Variants in NBEA observed in about 807,000 individuals in gnomAD.
NBEA encodes the protein neurobeachin.
In NBEA, 44 loss-of-function variants were observed where a neutral mutation model predicts 343.4. That is an observed-to-expected ratio of 0.13 (90% CI 0.10 to 0.16). The LOEUF is 0.16. NBEA is among the 10% of genes least tolerant of loss of function. The probability of loss-of-function intolerance (pLI) is 1.00; values close to 1 mark genes in which losing one functional copy is unlikely to be tolerated. For synonymous variants in NBEA, 1,175 were observed against 1,238.7 expected (o/e 0.95, Z 1.08); for missense variants, 2,555 against 3,631.3 (o/e 0.70, Z 7.62).
chr13:35,088,274 G>A (rs566208933), intron 10 of NBEA, among the ~76,000 whole-genome samples: 5 of 151,994 alleles, frequency 3.3e-5, no homozygotes, highest in African/African-American at 1.2e-4. Flanking sequence ...TACTTCAAAA[G>A]AAAGGTAACA....
chr13:35,451,568 A>G (rs747808823), intron 39 of NBEA, among the ~76,000 whole-genome samples: 1 of 152,204 alleles, frequency 6.6e-6, no homozygotes, highest in Admixed American at 6.5e-5. Context: ...TAACTTTCCA[A>G]TGATCATTTT....
chr13:34,949,541 G>A (rs951378421), intron 1 of NBEA, among the ~76,000 whole-genome samples: 4 of 152,156 alleles, frequency 2.6e-5, no homozygotes, highest in Non-Finnish European at 5.9e-5. Flanking sequence ...AGATATAGTG[G>A]TAGTGAATGT....
chr13:35,619,014 A>G (rs1288716766), intron 48 of NBEA, among the ~76,000 whole-genome samples: 1 of 151,868 alleles, frequency 6.6e-6, no homozygotes, highest in Non-Finnish European at 1.5e-5. Context: ...TAACCTTTAC[A>G]GAATGTCCGT....
chr13:34,992,192 A>G (rs566007267), intron 1 of NBEA, among the ~76,000 whole-genome samples: 11 of 140,342 alleles, frequency 7.8e-5, no homozygotes, highest in African/African-American at 1.6e-4. Context: ...ATGTGTGTGT[A>G]TATATATGTG....
intron 39 of NBEA, among the ~76,000 whole-genome samples, chr13:35,441,928 CT>C (rs1228186326): frequency 1.3e-5 from 2 of 151,280 alleles, no homozygotes; most frequent in African/African-American, 4.9e-5. Context: ...TCCAGTTAAT[CT>C]TTTTTTTCAT....
chr13:35,085,826 A>G (rs529851917), intron 10 of NBEA, among the ~76,000 whole-genome samples: 2 of 152,290 alleles, frequency 1.3e-5, no homozygotes, highest in African/African-American at 4.8e-5. Context: ...TTGTATATCT[A>G]GAAAACCCCA....
chr13:35,117,623 T>C (rs1015787151), intron 14 of NBEA, 130 bp downstream of exon 14: 10 of 352,332 alleles, frequency 2.8e-5, no homozygotes, highest in Admixed American at 4.9e-5. Flanking sequence ...TCTCCACATC[T>C]TAGTATTCAC....
intron 41 of NBEA, among the ~76,000 whole-genome samples, chr13:35,519,918 C>T (rs2077630009): frequency 2.0e-5 from 3 of 152,130 alleles, no homozygotes; most frequent in Admixed American, 1.3e-4. Context: ...CTCTCTTTAT[C>T]CCCACACCTC....
At chr13:35,040,906 C>G (rs527503829) in intron 1 of NBEA, 27 bp from the exon 2 acceptor site, 4 of 1,575,364 alleles carry the variant, frequency 2.5e-6, no homozygotes, top group Non-Finnish European at 3.5e-6. Context: ...CATGTTAACA[C>G]TATTGTTTCT....
At chr13:35,178,777 TA>T (rs2152727912) in intron 28 of NBEA, among the ~76,000 whole-genome samples, 1 of 151,656 alleles carries the variant, frequency 6.6e-6, no homozygotes, top group East Asian at 1.9e-4. Context: ...AACCACAATG[TA>T]AGAACTCACT....
chr13:34,952,160 A>C (rs2059369501), intron 1 of NBEA, among the ~76,000 whole-genome samples: 1 of 152,202 alleles, frequency 6.6e-6, no homozygotes, highest in South Asian at 2.1e-4. Context: ...CTTTCCCATT[A>C]CTAAGCAAAT....
intron 31 of NBEA, among the ~76,000 whole-genome samples, chr13:35,196,925 C>T (rs1020868129): frequency 1.3e-4 from 20 of 151,922 alleles, no homozygotes; most frequent in African/African-American, 4.6e-4. Flanking sequence ...TAACATGGCC[C>T]ATATGTCATA....
At chr13:35,383,195 C>T (rs746582513) in intron 38 of NBEA, among the ~76,000 whole-genome samples, 28 of 152,008 alleles carry the variant, frequency 1.8e-4, no homozygotes, top group Non-Finnish European at 2.9e-4. Context: ...AGAAAGACTC[C>T]GAATTTGGTA....
intron 55 of NBEA, among the ~76,000 whole-genome samples, chr13:35,662,999 G>A (rs111723077): frequency 8.9e-4 from 136 of 152,096 alleles, no homozygotes; most frequent in African/African-American, 2.9e-3. Flanking sequence ...AATTTTTATG[G>A]ATACATAATA....
chr13:35,224,476 A>AT (rs1732486590), intron 33 of NBEA, among the ~76,000 whole-genome samples: 1 of 152,118 alleles, frequency 6.6e-6, no homozygotes, highest in Admixed American at 6.6e-5. Context: ...TTTTGTTTTA[A>AT]TATGTCTATA....
intron 26 of NBEA, among the ~76,000 whole-genome samples, chr13:35,173,195 G>A (rs1006066936): frequency 1.3e-5 from 2 of 152,058 alleles, no homozygotes; most frequent in African/African-American, 4.8e-5. Context: ...GGATACATTG[G>A]GGGTTTCAGA....
In NBEA at chr13:35,649,783, C is replaced by G. The variant is rs1291459298; in HGVS notation, c.7899C>G (p.Ile2633Met). The change falls in exon 52 of 59, where the codon ATC becomes ATG. Residue 2633 changes from isoleucine (I) to methionine (M), a missense_variant. Transcript: ENST00000379939. ...VAANTLPHLTIPAVVTVTCSR... is the reference protein window; with the variant it reads ...VAANTLPHLTMPAVVTVTCSR... ...CCAACACTCTGCCCCACTTGACCAT[C>G]CCCGCAGTGGTGACAGTGACTTGCA... 9.9e-6 allele frequency: 16 copies of G among 1,614,016 alleles called. No homozygotes were observed. The highest frequency in any genetic ancestry group is 1.1e-5 in the Non-Finnish European group (13 of 1,179,888).
intron 48 of NBEA, among the ~76,000 whole-genome samples, chr13:35,618,817 C>G (rs186348366): frequency 3.3e-5 from 5 of 152,186 alleles, no homozygotes; most frequent in African/African-American, 9.6e-5. Flanking sequence ...ATAATCTACC[C>G]TTTTAAAAAT....
In NBEA at chr13:35,598,611, A is replaced by G. The variant is rs572245099; in HGVS notation, c.7296+5164A>G. Reference sequence around the variant, plus strand: ...AATTAGAAAAAGCTAATACTCACAAATCCTTTTGGAACAGGATTCTCTCTT... The same window carrying G: ...AATTAGAAAAAGCTAATACTCACAAGTCCTTTTGGAACAGGATTCTCTCTT... On this transcript the variant is annotated intron_variant, in intron 47 of 58. Coordinates refer to ENST00000379939, the MANE Select transcript of NBEA (RefSeq NM_001385012.1). Among the ~76,000 whole-genome samples, 7 of 152,302 alleles carry G rather than the reference A, an allele frequency of 4.6e-5. No homozygotes were observed. In the East Asian group the frequency reaches 1.4e-3, roughly 29 times the overall value.
Sources: allele counts gnomAD v4.1 joint callset (sites outside exome capture counted in the v4.1 genomes callset), GRCh38; gene constraint gnomAD v4.1.1; transcripts MANE v1.5; gene names NCBI Gene and HGNC (gene_info 2026-07-23, HGNC 2026-07-21).